The following C1QTNF7 variants were observed in gnomAD, a reference collection of about 807,000 sequenced individuals.
C1QTNF7 encodes the protein complement C1q tumor necrosis factor-related protein 7.
C1QTNF7 carries 15 observed loss-of-function variants against 19.6 expected under a neutral mutation model. The ratio of observed to expected loss-of-function variants is 0.76; its 90% CI spans 0.51 to 1.18. C1QTNF7 has a LOEUF of 1.18. C1QTNF7 is among the 50% of genes most tolerant of loss of function. C1QTNF7 has a pLI of 0.00. For synonymous variants in C1QTNF7, 142 were observed against 137.5 expected, an observed-to-expected ratio of 1.03 and a Z score of -0.23; for missense variants, 324 against 359.7, an observed-to-expected ratio of 0.90 and a Z score of 0.80.
chr4:15,427,971 C>A (rs916544597), upstream of C1QTNF7: 9 of 946,614 alleles, frequency 9.5e-6, no homozygotes, highest in African/African-American at 1.1e-4. Flanking sequence ...TTTAGCACAA[C>A]TATTTGGAAA....
In C1QTNF7 at chr4:15,420,826, CTTTTTTTTTTTTT is replaced by C. The variant is rs61609914; in HGVS notation, c.14-14893_14-14881del. Among the ~76,000 whole-genome samples, 25 of 66,246 alleles carry C rather than the reference CTTTTTTTTTTTTT, an allele frequency of 3.8e-4. No homozygotes were observed. In the South Asian group the frequency reaches 0.014, roughly 38 times the overall value. 43.5% of individuals were successfully genotyped at this position (66,246 alleles called of 152,430 possible). On this transcript the variant is annotated intron_variant, in intron 1 of 2. Coordinates refer to the C1QTNF7 transcript ENST00000295297. ...CTAGGGTAACATTCCACTGCTTTGT[CTTTTTTTTTTTTT>C]TTTTTTTTTTTTTTTTACCAAACCT...
At chr4:15,364,887 A>C (rs138931018) in intron 1 of C1QTNF7, among the ~76,000 whole-genome samples, 1 of 152,312 alleles carries the variant, frequency 6.6e-6, no homozygotes, top group East Asian at 1.9e-4. Context: ...GGTCTCTCTG[A>C]ACAGAGAGTA....
chr4:15,424,771 C>T (rs1374717314), upstream of C1QTNF7, among the ~76,000 whole-genome samples: 1 of 152,216 alleles, frequency 6.6e-6, no homozygotes, highest in East Asian at 1.9e-4. Flanking sequence ...CTGAAAATGG[C>T]TGATGGTCAC....
At chr4:15,419,406 C>T (rs146647564) in intron 1 of C1QTNF7, among the ~76,000 whole-genome samples, 54 of 152,178 alleles carry the variant, frequency 3.5e-4, no homozygotes, top group African/African-American at 1.3e-3. Context: ...TATCGTTTGG[C>T]CATTAATGGC....
intron 1 of C1QTNF7, among the ~76,000 whole-genome samples, chr4:15,365,726 T>G (rs570247791): frequency 6.6e-6 from 1 of 152,298 alleles, no homozygotes; most frequent in Non-Finnish European, 1.5e-5. Context: ...CTTCCTTCTG[T>G]ATCTGTTGAC....
At chr4:15,427,491 A>T (rs1712103110), upstream of C1QTNF7, among the ~76,000 whole-genome samples, 1 of 152,204 alleles carries the variant, frequency 6.6e-6, no homozygotes, top group South Asian at 2.1e-4. Flanking sequence ...TTCAGCAAAG[A>T]ACAAAGAAAA....
intron 1 of C1QTNF7, among the ~76,000 whole-genome samples, chr4:15,420,837 T>TTTTTTA (rs1748737512): frequency 7.0e-6 from 1 of 143,212 alleles, no homozygotes; most frequent in Non-Finnish European, 1.5e-5. Flanking sequence ...TTTTTTTTTT[T>TTTTTTA]TTTTTTTTTT....
At chr4:15,437,601 C>G (rs1712588285) in intron 2 of C1QTNF7, among the ~76,000 whole-genome samples, 1 of 152,186 alleles carries the variant, frequency 6.6e-6, no homozygotes, top group African/African-American at 2.4e-5. Context: ...AGAACTGCTA[C>G]AGTTTTAACC....
chr4:15,340,702 T>C (rs1560333984), intron 1 of C1QTNF7, among the ~76,000 whole-genome samples: 5 of 152,238 alleles, frequency 3.3e-5, no homozygotes, highest in Admixed American at 1.3e-4. Context: ...TTTTGCAGAA[T>C]ATATTTTTAA....
chr4:15,414,532 C>T (rs1719518488), intron 1 of C1QTNF7, among the ~76,000 whole-genome samples: 1 of 151,200 alleles, frequency 6.6e-6, no homozygotes, highest in Non-Finnish European at 1.5e-5. Context: ...ACATTATTAA[C>T]TCTGGTGTGA....
At chr4:15,387,454 C>T (rs1387568015) in intron 1 of C1QTNF7, among the ~76,000 whole-genome samples, 1 of 152,076 alleles carries the variant, frequency 6.6e-6, no homozygotes, top group Non-Finnish European at 1.5e-5. Flanking sequence ...CCTAGGCTTC[C>T]AATATTTGCC....
chr4:15,406,969 A>G (rs1719214776), intron 1 of C1QTNF7, among the ~76,000 whole-genome samples: 1 of 152,172 alleles, frequency 6.6e-6, no homozygotes, highest in African/African-American at 2.4e-5. Flanking sequence ...TATGATTAAC[A>G]TGTATTAATT....
chr4:15,402,618 T>G (rs546373708), intron 1 of C1QTNF7, among the ~76,000 whole-genome samples: 3 of 152,064 alleles, frequency 2.0e-5, no homozygotes, highest in Admixed American at 1.3e-4. Context: ...AATAAAACCC[T>G]CCTCTTTCAT....
chr4:15,386,480 T>C (rs2108895244), intron 1 of C1QTNF7, among the ~76,000 whole-genome samples: 1 of 151,858 alleles, frequency 6.6e-6, no homozygotes, highest in South Asian at 2.1e-4. Flanking sequence ...GCTTATATTT[T>C]ATGGGGAAGA....
chr4:15,376,648 G>T (rs751205989), intron 1 of C1QTNF7, among the ~76,000 whole-genome samples: 3 of 152,210 alleles, frequency 2.0e-5, no homozygotes, highest in Non-Finnish European at 4.4e-5. Context: ...GGTAATGATG[G>T]CTGGCAGGGC....
chr4:15,423,501 C>T (rs145793372), upstream of C1QTNF7, among the ~76,000 whole-genome samples: 930 of 152,332 alleles, frequency 6.1e-3, 6 homozygotes, highest in Non-Finnish European at 9.5e-3. Context: ...TGAGTCATTT[C>T]AGCTGGTTGA....
At chr4:15,400,613 A>G (rs1718951296) in intron 1 of C1QTNF7, among the ~76,000 whole-genome samples, 1 of 152,176 alleles carries the variant, frequency 6.6e-6, no homozygotes, top group East Asian at 1.9e-4. Flanking sequence ...GTCTGCTCTG[A>G]TCCATACCTT....
At chr4:15,385,550 G>C (rs1458573565) in intron 1 of C1QTNF7, among the ~76,000 whole-genome samples, 1 of 152,178 alleles carries the variant, frequency 6.6e-6, no homozygotes, top group African/African-American at 2.4e-5. Context: ...AGAGACTTGA[G>C]GTCAGAAGGC....
At chr4:15,399,190 T>C (rs1342092707) in intron 1 of C1QTNF7, among the ~76,000 whole-genome samples, 1 of 152,136 alleles carries the variant, frequency 6.6e-6, no homozygotes, top group Non-Finnish European at 1.5e-5. Flanking sequence ...GTTTCAGGTG[T>C]TTTCTATCTA....
Sources: allele counts gnomAD v4.1 joint callset (sites outside exome capture counted in the v4.1 genomes callset), GRCh38; gene constraint gnomAD v4.1.1; transcripts MANE v1.5; gene names NCBI Gene and HGNC (gene_info 2026-07-23, HGNC 2026-07-21).